The following OCA2 variants were observed in gnomAD, a reference collection of about 807,000 sequenced individuals.
The protein encoded by OCA2 is OCA2 melanosomal transmembrane protein, also known as P protein.
In OCA2, 77 loss-of-function variants were observed where a neutral mutation model predicts 100.2. That is an observed-to-expected ratio of 0.77 (90% CI 0.64 to 0.93). The LOEUF (loss-of-function observed/expected upper bound fraction) is 0.93, where lower values mean the gene tolerates loss of function less well. OCA2 is among the 40% of genes least tolerant of loss of function. The pLI is 0.00. For missense variants in OCA2, 1,062 were observed against 1,089.1 expected (o/e 0.98, Z 0.35); for synonymous variants, 432 against 439.2 (o/e 0.98, Z 0.21).
At chr15:27,989,165 C>A (rs1285354697) in intron 11 of OCA2, among the ~76,000 whole-genome samples, 2 of 152,142 alleles carry the variant, frequency 1.3e-5, no homozygotes, top group Non-Finnish European at 2.9e-5. Context: ...GACTTGGTGG[C>A]ATTCCTCACA....
At chr15:27,848,672 G>A (rs533428598) in intron 22 of OCA2, among the ~76,000 whole-genome samples, 6 of 152,306 alleles carry the variant, frequency 3.9e-5, no homozygotes, top group East Asian at 1.9e-4. Flanking sequence ...ACAAAGAATC[G>A]AACCTCCAGG....
At chr15:28,068,704 G>A (rs1238943865) in intron 2 of OCA2, among the ~76,000 whole-genome samples, 4 of 152,192 alleles carry the variant, frequency 2.6e-5, no homozygotes, top group Non-Finnish European at 5.9e-5. Context: ...CAAAATACTA[G>A]CAAATAAAAT....
chr15:28,070,616 G>A (rs2044226200), intron 2 of OCA2, among the ~76,000 whole-genome samples: 1 of 148,636 alleles, frequency 6.7e-6, no homozygotes, highest in African/African-American at 2.5e-5. Flanking sequence ...CCCCTACTGG[G>A]AAGTGAGGAG....
At chr15:27,971,540 G>C (rs2040792042) in intron 14 of OCA2, among the ~76,000 whole-genome samples, 1 of 152,218 alleles carries the variant, frequency 6.6e-6, no homozygotes, top group East Asian at 1.9e-4. Context: ...CTTGTGGCTG[G>C]GGAATAAGTG....
At chr15:28,027,057 T>C (rs1189311296) in intron 4 of OCA2, among the ~76,000 whole-genome samples, 1 of 152,206 alleles carries the variant, frequency 6.6e-6, no homozygotes, top group Non-Finnish European at 1.5e-5. Flanking sequence ...CAAAACCTTG[T>C]TCTGTCCTGG....
At chr15:27,787,812 A>C (rs1566963359) in intron 23 of OCA2, among the ~76,000 whole-genome samples, 1 of 151,764 alleles carries the variant, frequency 6.6e-6, no homozygotes, top group African/African-American at 2.4e-5. Flanking sequence ...TCTTATGGTA[A>C]AAGTTTAAGT....
At chr15:27,954,148 CA>C (rs71414522) in intron 17 of OCA2, among the ~76,000 whole-genome samples, 70,684 of 147,724 alleles carry the variant, frequency 0.48, 20,366 homozygotes, top group Non-Finnish European at 0.66. Context: ...CACACACACA[CA>C]CACACACACA....
At chr15:27,770,387 G>C (rs1279143806) in intron 23 of OCA2, among the ~76,000 whole-genome samples, 2 of 152,204 alleles carry the variant, frequency 1.3e-5, no homozygotes, top group East Asian at 3.9e-4. Flanking sequence ...CCAGCCGTGT[G>C]TGGCGCTGTC....
At chr15:27,862,030 C>T (rs899007224) in intron 21 of OCA2, among the ~76,000 whole-genome samples, 2 of 152,204 alleles carry the variant, frequency 1.3e-5, no homozygotes, top group Non-Finnish European at 1.5e-5. Context: ...GTTGCTTTTA[C>T]GTCCTCACAG....
At chr15:27,900,140 C>G (rs978521394) in intron 19 of OCA2, among the ~76,000 whole-genome samples, 16 of 152,168 alleles carry the variant, frequency 1.1e-4, no homozygotes, top group African/African-American at 3.9e-4. Flanking sequence ...GCTATTCAAG[C>G]AAAGCTATCT....
chr15:27,846,085 C>T (rs2035524436), intron 22 of OCA2, among the ~76,000 whole-genome samples: 1 of 152,080 alleles, frequency 6.6e-6, no homozygotes, highest in African/African-American at 2.4e-5. Flanking sequence ...CAGGCTGCCC[C>T]AGGCCTTTCT....
intron 23 of OCA2, chr15:27,776,713 G>A (rs2032238972): frequency 6.6e-6 from 1 of 152,212 alleles, no homozygotes; most frequent in Non-Finnish European, 1.5e-5. Flanking sequence ...TGTCTGCTGA[G>A]GTCAGCATCC....
At chr15:27,945,489 G>A (rs1453355252) in intron 18 of OCA2, among the ~76,000 whole-genome samples, 1 of 152,170 alleles carries the variant, frequency 6.6e-6, no homozygotes, top group Non-Finnish European at 1.5e-5. Flanking sequence ...AGATGCCGGG[G>A]TGGGTGGGCG....
At chr15:27,846,648 G>C (rs900371095) in intron 22 of OCA2, among the ~76,000 whole-genome samples, 2 of 152,210 alleles carry the variant, frequency 1.3e-5, no homozygotes, top group Non-Finnish European at 2.9e-5. Context: ...GTGGATTCCT[G>C]ATCTGCGAGG....
At chr15:27,784,520 C>A (rs930092611) in intron 23 of OCA2, among the ~76,000 whole-genome samples, 2 of 152,094 alleles carry the variant, frequency 1.3e-5, no homozygotes, top group African/African-American at 4.8e-5. Context: ...ACCAATGAAA[C>A]CAGACTCAGG....
At chr15:27,733,253 T>C in the OCA2 span, among the ~76,000 whole-genome samples, 5 of 152,204 alleles carry the variant, frequency 3.3e-5, no homozygotes, top group Non-Finnish European at 7.3e-5. Flanking sequence ...AATATTTTTT[T>C]CCTTTGAAAA....
At chr15:28,044,184 G>T (rs1229953404) in intron 2 of OCA2, among the ~76,000 whole-genome samples, 1 of 152,158 alleles carries the variant, frequency 6.6e-6, no homozygotes, top group African/African-American at 2.4e-5. Flanking sequence ...TAAAAAAAGG[G>T]GAAGTATAGT....
chr15:27,977,932 C>T (rs1052660381), intron 14 of OCA2, among the ~76,000 whole-genome samples: 7 of 152,212 alleles, frequency 4.6e-5, no homozygotes, highest in Non-Finnish European at 8.8e-5. Flanking sequence ...ACTTTCTAGC[C>T]TCCCGACTGT....
At chr15:27,974,456 C>A (rs2040901477) in intron 14 of OCA2, among the ~76,000 whole-genome samples, 1 of 152,108 alleles carries the variant, frequency 6.6e-6, no homozygotes, top group African/African-American at 2.4e-5. Flanking sequence ...TCCTTATCTC[C>A]AAACTACTGT....
Sources: allele counts gnomAD v4.1 joint callset (sites outside exome capture counted in the v4.1 genomes callset), GRCh38; gene constraint gnomAD v4.1.1; transcripts MANE v1.5; gene names NCBI Gene and HGNC (gene_info 2026-07-23, HGNC 2026-07-21).